Variants in SAE1 observed in about 807,000 individuals in gnomAD.
The protein encoded by SAE1 is SUMO-activating enzyme subunit 1.
In SAE1, 11 loss-of-function variants were observed where a neutral mutation model predicts 40.6. The ratio of observed to expected loss-of-function variants is 0.27; its 90% confidence interval spans 0.17 to 0.45. SAE1 has a LOEUF of 0.45. Among genes scored for constraint, SAE1 ranks in the 20% least tolerant of loss-of-function variants. SAE1 has a pLI of 1.00. For missense variants in SAE1, 373 were observed against 427.3 expected, an observed-to-expected ratio of 0.87 and a Z score of 1.12; for synonymous variants, 155 against 154.3, an observed-to-expected ratio of 1.00 and a Z score of -0.03.
chr19:47,173,849 A>G (rs1049937660), intron 6 of SAE1, among the ~76,000 whole-genome samples: 4 of 150,510 alleles, frequency 2.7e-5, no homozygotes, highest in South Asian at 2.1e-4. Context: ...CAGTGGTGCA[A>G]TCTCAGCTCA....
intron 1 of SAE1, among the ~76,000 whole-genome samples, chr19:47,133,931 CG>C (rs1255431297): frequency 8.6e-5 from 13 of 150,442 alleles, no homozygotes; most frequent in Non-Finnish European, 1.9e-4. Context: ...GGCATGGTCT[CG>C]GCTCACTGCA....
chr19:47,191,876 A>G (rs533050954), intron 6 of SAE1, among the ~76,000 whole-genome samples: 2 of 152,160 alleles, frequency 1.3e-5, no homozygotes, highest in African/African-American at 4.8e-5. Flanking sequence ...TAACACGGTG[A>G]AACCCCGTCT....
intron 6 of SAE1, among the ~76,000 whole-genome samples, chr19:47,195,987 G>GC (rs967690275): frequency 8.0e-4 from 120 of 150,360 alleles, no homozygotes; most frequent in African/African-American, 2.8e-3. Flanking sequence ...TCACGCCTTG[G>GC]CCCCCCAAAG....
In SAE1 at chr19:47,201,699, T is replaced by C. The variant is rs1322747287; in HGVS notation, c.879-1972T>C. Among the ~76,000 whole-genome samples the C allele has an allele frequency of 2.0e-5, 3 of 152,144 alleles. No individual in the cohort carries two copies. The East Asian group carries it at 5.8e-4, about 29-fold the overall frequency. On this transcript the variant is annotated intron_variant, in intron 7 of 8. Transcript: ENST00000270225. ...CCCAGGCTGGAGTGCAGTGGCACCA[T>C]CTCGGCTCACTGCAACCTCCACCTC...
intron 6 of SAE1, among the ~76,000 whole-genome samples, chr19:47,195,947 T>C (rs1281370076): frequency 6.6e-6 from 1 of 150,974 alleles, no homozygotes; most frequent in Non-Finnish European, 1.5e-5. Context: ...TTGCCCAGGA[T>C]TATCTCAAAC....
intron 6 of SAE1, among the ~76,000 whole-genome samples, chr19:47,195,980 C>T (rs1019527633): frequency 6.6e-5 from 10 of 150,870 alleles, no homozygotes; most frequent in African/African-American, 1.2e-4. Context: ...GCGATCCTCA[C>T]GCCTTGGCCC....
intron 6 of SAE1, among the ~76,000 whole-genome samples, chr19:47,192,255 G>A (rs542128031): frequency 6.6e-6 from 1 of 151,736 alleles, no homozygotes; most frequent in East Asian, 2.0e-4. Flanking sequence ...TGTTGTTGTC[G>A]TCGTTGTTGT....
At chr19:47,131,436 C>T (rs867297271) in intron 1 of SAE1, among the ~76,000 whole-genome samples, 3 of 152,072 alleles carry the variant, frequency 2.0e-5, no homozygotes, top group Non-Finnish European at 2.9e-5. Flanking sequence ...TTCCGTGCTG[C>T]ACACAGGGGA....
chr19:47,161,591 T>A (rs929594781), intron 5 of SAE1, among the ~76,000 whole-genome samples: 3 of 152,154 alleles, frequency 2.0e-5, no homozygotes, highest in Admixed American at 6.6e-5. Flanking sequence ...TGTTTATAAA[T>A]CTAAACAATG....
intron 6 of SAE1, among the ~76,000 whole-genome samples, chr19:47,175,245 C>T (rs1399429542): frequency 1.3e-5 from 2 of 149,028 alleles, no homozygotes; most frequent in African/African-American, 4.9e-5. Flanking sequence ...TTTCCATGTT[C>T]CTGGCACCTA....
chr19:47,182,499 G>GCA (rs2058515233), intron 6 of SAE1, among the ~76,000 whole-genome samples: 2 of 148,176 alleles, frequency 1.3e-5, no homozygotes, highest in Admixed American at 6.7e-5. Flanking sequence ...GTGTGTGTGC[G>GCA]CGCACGCACG....
chr19:47,136,552 G>A (rs977989386), intron 1 of SAE1, among the ~76,000 whole-genome samples: 2 of 143,548 alleles, frequency 1.4e-5, no homozygotes, highest in African/African-American at 5.2e-5. Flanking sequence ...CTGGAGTATG[G>A]TGGCGTGATC....
intron 8 of SAE1, among the ~76,000 whole-genome samples, chr19:47,204,582 C>A (rs2058675982): frequency 6.9e-6 from 1 of 144,068 alleles, no homozygotes; most frequent in Admixed American, 7.2e-5. Context: ...TCTTGACTCA[C>A]TGCAACCTCC....
intron 2 of SAE1, among the ~76,000 whole-genome samples, chr19:47,145,059 A>G (rs2058246984): frequency 6.6e-6 from 1 of 151,538 alleles, no homozygotes; most frequent in African/African-American, 2.4e-5. Flanking sequence ...CTGGAGTGCA[A>G]TGGCGTGATC....
chr19:47,157,340 G>C (rs1454777533), intron 5 of SAE1, among the ~76,000 whole-genome samples: 1 of 152,144 alleles, frequency 6.6e-6, no homozygotes, highest in Non-Finnish European at 1.5e-5. Context: ...TGAATTTGGT[G>C]GGGGGAGATA....
At chr19:47,175,447 T>C (rs1166254695) in intron 6 of SAE1, among the ~76,000 whole-genome samples, 1 of 152,096 alleles carries the variant, frequency 6.6e-6, no homozygotes, top group African/African-American at 2.4e-5. Context: ...ATTTAAGATA[T>C]ATCTGTAGTC....
intron 7 of SAE1, among the ~76,000 whole-genome samples, chr19:47,197,628 T>C (rs1407386030): frequency 1.3e-5 from 2 of 152,230 alleles, no homozygotes; most frequent in East Asian, 3.8e-4. Context: ...GTAAGATCTG[T>C]AAACATTATT....
chr19:47,197,181 C>CAAA (rs372707074), intron 6 of SAE1, 52 bp from the exon 7 acceptor site: 373 of 1,380,416 alleles, frequency 2.7e-4, no homozygotes, highest in Middle Eastern at 6.7e-4. Context: ...CCTCCATCTC[C>CAAA]AAAAAAAAAA....
In SAE1 at chr19:47,160,522, G is replaced by A. The variant is rs192878846; in HGVS notation, c.627+5309G>A. On this transcript the variant is annotated intron_variant, in intron 5 of 8. Coordinates refer to ENST00000270225, the MANE Select transcript of SAE1 (RefSeq NM_005500.3). ...CCGTTCTCCTGCCTCAGCCTCCCGA[G>A]TAGCTGGGACTACAGATGCCCGCCG... Among the ~76,000 whole-genome samples, 21 of 151,030 alleles carry A rather than the reference G, an allele frequency of 1.4e-4. No individual in the cohort carries two copies. The East Asian group carries it at 4.1e-3, about 30-fold the overall frequency.
Sources: gnomAD v4.1 joint callset for allele counts (sites outside exome capture counted in the v4.1 genomes callset) on GRCh38, gnomAD v4.1.1 for gene constraint, MANE v1.5 for transcripts, NCBI Gene and HGNC (gene_info 2026-07-23, HGNC 2026-07-21) for gene names.